The following NAT9 variants were observed in gnomAD, a reference collection of about 807,000 sequenced individuals.
NAT9 encodes the protein alpha/beta-tubulin-N-acetyltransferase 9.
In NAT9, 18 loss-of-function variants were observed where a neutral mutation model predicts 24.0. That is an observed-to-expected ratio of 0.75 (90% CI 0.52 to 1.11). NAT9 has a LOEUF of 1.11. NAT9 is among the 50% of genes most tolerant of loss of function. The probability of loss-of-function intolerance (pLI) is 0.00; values close to 1 mark genes in which losing one functional copy is unlikely to be tolerated. For missense variants in NAT9, 254 were observed against 258.6 expected, an observed-to-expected ratio of 0.98 and a Z score of 0.12; for synonymous variants, 104 against 102.3, an observed-to-expected ratio of 1.02 and a Z score of -0.10.
intron 4 of NAT9, 127 bp downstream of exon 4, chr17:74,772,769 C>T: frequency 7.0e-7 from 1 of 1,425,116 alleles, no homozygotes; most frequent in Non-Finnish European, 9.6e-7. Flanking sequence ...CCCAGCCAGG[C>T]CCTGGACTCA....
At chr17:74,774,925 G>A (rs1468368713) in intron 2 of NAT9, among the ~76,000 whole-genome samples, 7 of 147,034 alleles carry the variant, frequency 4.8e-5, no homozygotes, top group Non-Finnish European at 1.0e-4. Flanking sequence ...GTGTGATCTC[G>A]GCTCACCACA....
At chr17:74,772,352 A>G (rs2035340269) in intron 4 of NAT9, 75 bp from the exon 5 acceptor site, 2 of 1,558,112 alleles carry the variant, frequency 1.3e-6, no homozygotes, top group South Asian at 1.1e-5. Context: ...ACACCATCTC[A>G]TTTAATTCTC....
chr17:74,773,043 AG>A lies in NAT9; in HGVS notation c.191-5del, dbSNP rs1277313651. On this transcript the variant is annotated splice_polypyrimidine_tract_variant and splice_region_variant and intron_variant, in intron 3 of 6. Transcript: ENST00000357814. ...TCCAGCACAATGAAGGTACACTCTG[AG>A]GAGGAGGTGACAGGGCTATCACACA... 2.5e-6 allele frequency: 4 copies of A among 1,613,488 alleles called. No individual in the cohort carries two copies. The African/African-American group carries it at 5.3e-5, about 22-fold the overall frequency.
Position 74,771,999 on chromosome 17 carries a change from T to C in NAT9, c.450A>G (p.Glu150=). ...KFEAKIGQGN[E]PSIRMFQKLH... ...GTTTCTGGAACATCCGGATGCTTGG[T>C]TCATTTCCTTGCCCAATTTTAGCCT... The change falls in exon 6 of 7, where the codon GAA becomes GAG. Residue 150 remains glutamate, a synonymous_variant. Transcript: ENST00000357814. The C allele has an allele frequency of 6.2e-7, 1 of 1,614,204 alleles. No homozygotes were observed. The highest frequency in any genetic ancestry group is 1.1e-5 in the South Asian group (1 of 91,082).
chr17:74,772,561 AC>A (rs1261010928), intron 4 of NAT9: 15 of 1,406,100 alleles, frequency 1.1e-5, no homozygotes, highest in Non-Finnish European at 1.3e-5. Flanking sequence ...AGGAGCAGAA[AC>A]AGGAGGGCCT....
intron 4 of NAT9, 52 bp from the exon 5 acceptor site, chr17:74,772,329 G>T: frequency 6.2e-7 from 1 of 1,602,400 alleles, no homozygotes; most frequent in South Asian, 1.1e-5. Flanking sequence ...GCTCCAGTGC[G>T]GGCACTTGGC....
chr17:74,772,066 G>C lies in NAT9; in HGVS notation c.395-12C>G, dbSNP rs1420519191. The C allele has an allele frequency of 6.2e-7, 1 of 1,614,170 alleles. No individual in the cohort carries two copies. The highest frequency in any genetic ancestry group is 1.3e-5 in the African/African-American group (1 of 75,048). ...TAGCGTGGTCACTCCTCGCAGAGGAGATGAGACAGGGGCAAGTAAGGAGGC... is the reference window on the plus strand; with the variant it reads ...TAGCGTGGTCACTCCTCGCAGAGGACATGAGACAGGGGCAAGTAAGGAGGC... On this transcript the variant is annotated splice_polypyrimidine_tract_variant and intron_variant, in intron 5 of 6. Transcript: ENST00000357814.
At position 74,775,701 on chromosome 17, in the gene NAT9, T is replaced by C. The variant is rs1403001942; in HGVS notation, c.-3A>G. The C allele has an allele frequency of 6.2e-7, 1 of 1,614,016 alleles. No homozygotes were observed. Among genetic ancestry groups the C allele is most frequent in the Non-Finnish European group, 8.5e-7 (1 of 1,179,902 alleles). ...AAGGTGTTCTGATTCAACCTCATGG[T>C]AGCAGCCTGCATGCAGATGGGGAGA... On this transcript the variant is annotated 5_prime_UTR_variant, in exon 2 of 7. Transcript: ENST00000357814.
chr17:74,774,637 G>A (rs915156692), intron 2 of NAT9, among the ~76,000 whole-genome samples: 10 of 141,644 alleles, frequency 7.1e-5, no homozygotes, highest in Admixed American at 1.5e-4. Context: ...TGTAAGCTCC[G>A]CCTCCCGGGT....
At chr17:74,775,171 T>G (rs2035849186) in intron 2 of NAT9, among the ~76,000 whole-genome samples, 3 of 148,932 alleles carry the variant, frequency 2.0e-5, no homozygotes, top group Admixed American at 1.3e-4. Flanking sequence ...TTGTTTTTGT[T>G]TGTTTTTGTT....
intron 1 of NAT9, 57 bp from the exon 2 acceptor site, chr17:74,775,764 G>A: frequency 6.8e-7 from 1 of 1,479,510 alleles, no homozygotes; most frequent in Non-Finnish European, 9.4e-7. Flanking sequence ...TCCAACTTTG[G>A]GTAGGCGCTC....
chr17:74,771,990 G>A lies in NAT9; in HGVS notation c.459C>T (p.Ile153=). The A allele has an allele frequency of 6.2e-7, 1 of 1,614,222 alleles. No individual in the cohort carries two copies. Among genetic ancestry groups the A allele is most frequent in the Non-Finnish European group, 8.5e-7 (1 of 1,180,030 alleles). Residue 153 remains isoleucine, a synonymous_variant, in exon 6 of 7, where the codon ATC becomes ATT. Transcript: ENST00000357814. The part of the protein sequence containing the change: ...AKIGQGNEPS[I]RMFQKLHFEQ... The stretch of plus-strand genomic sequence containing the variant: ...CAAAGTGAAGTTTCTGGAACATCCG[G>A]ATGCTTGGTTCATTTCCTTGCCCAA...
intron 3 of NAT9, 141 bp downstream of exon 3, chr17:74,773,435 G>C (rs934049583): frequency 7.1e-6 from 5 of 706,110 alleles, no homozygotes; most frequent in African/African-American, 7.1e-5. Flanking sequence ...AGGGCCATGA[G>C]AATACAGGAG....
Position 74,771,437 on chromosome 17 carries a change from T to G in NAT9, c.*287A>C, listed in dbSNP as rs551705283. 1.6e-4 allele frequency: 82 copies of G among 499,144 alleles called. No homozygotes were observed. Among genetic ancestry groups the G allele is most frequent in the Non-Finnish European group, 2.6e-4 (73 of 276,074 alleles). 30.9% of individuals were successfully genotyped at this position (499,144 alleles called of 1,614,324 possible). On this transcript the variant is annotated 3_prime_UTR_variant, in exon 7 of 7. Coordinates refer to ENST00000357814, the MANE Select transcript of NAT9 (RefSeq NM_015654.5). ...CCCCCTGCACCTCCAGCTCCCACCT[T>G]CATCCCGACATCTCCCATGGATCCC...
intron 2 of NAT9, chr17:74,773,932 G>A (rs1317956719): frequency 1.9e-5 from 8 of 421,972 alleles, no homozygotes; most frequent in South Asian, 8.1e-5. Context: ...TCAGTGCGGA[G>A]GAGCAGTCTG....
rs978054858 is a variant in NAT9 at position 74,771,598 on chromosome 17, G to C, written c.*126C>G. 1 of 1,428,724 alleles carries C rather than the reference G, an allele frequency of 7.0e-7. No homozygotes were observed. Among genetic ancestry groups the C allele is most frequent in the Non-Finnish European group, 9.4e-7 (1 of 1,065,710 alleles). The allele number at this position is 1,428,724 out of a possible 1,614,324, so 88.5% of individuals were successfully genotyped here. On this transcript the variant is annotated 3_prime_UTR_variant, in exon 7 of 7. Transcript: ENST00000357814. Reference sequence around the variant, plus strand: ...GCCACAGCAAGCCCCGCCAGAGTCTGAAGGGCCTCGAAAGGTGATTCCCAG... The same window carrying C: ...GCCACAGCAAGCCCCGCCAGAGTCTCAAGGGCCTCGAAAGGTGATTCCCAG...
chr17:74,772,751 G>A (rs1421463067), intron 4 of NAT9, 145 bp downstream of exon 4: 5 of 1,295,670 alleles, frequency 3.9e-6, no homozygotes, highest in Non-Finnish European at 5.3e-6. Flanking sequence ...GGCTAGGTGG[G>A]CAGGCTGCCC....
chr17:74,774,337 CA>C (rs1480888677), intron 2 of NAT9, among the ~76,000 whole-genome samples: 1 of 151,596 alleles, frequency 6.6e-6, no homozygotes, highest in Non-Finnish European at 1.5e-5. Context: ...GCTGAAAGGC[CA>C]AAAAGCTGAG....
chr17:74,771,646 A>C lies in NAT9; in HGVS notation c.*78T>G. Reference sequence around the variant, plus strand: ...CAGCCTGGGCCAGGAGCACTCTCCCAGTGCAGGGCTCTGGTCTTTGAAGTG... The same window carrying C: ...CAGCCTGGGCCAGGAGCACTCTCCCCGTGCAGGGCTCTGGTCTTTGAAGTG... On this transcript the variant is annotated 3_prime_UTR_variant, in exon 7 of 7. Transcript: ENST00000357814. 1 of 1,581,676 alleles carries C rather than the reference A, an allele frequency of 6.3e-7. No homozygotes were observed. The highest frequency in any genetic ancestry group is 8.6e-7 in the Non-Finnish European group (1 of 1,162,644).
Sources: gnomAD v4.1 joint callset for allele counts (sites outside exome capture counted in the v4.1 genomes callset) on GRCh38, gnomAD v4.1.1 for gene constraint, MANE v1.5 for transcripts, NCBI Gene and HGNC (gene_info 2026-07-23, HGNC 2026-07-21) for gene names.